SSH2: variants seen among roughly 807,000 people sequenced by gnomAD.
SSH2 encodes slingshot protein phosphatase 2.
In SSH2, 37 loss-of-function variants were observed where a neutral mutation model predicts 135.2. The observed-to-expected ratio is 0.27, with a 90% CI of 0.21 to 0.36. The LOEUF is 0.36. SSH2 is among the 10% of genes least tolerant of loss of function. The pLI, the probability that SSH2 is intolerant of heterozygous loss-of-function variation, is 1.00. For synonymous variants in SSH2, 628 were observed against 646.2 expected (o/e 0.97, Z 0.43); for missense variants, 1,408 against 1,765.3 (o/e 0.80, Z 3.63).
chr17:29,634,569 T>C (rs575052362), intron 15 of SSH2, among the ~76,000 whole-genome samples: 56 of 149,726 alleles, frequency 3.7e-4, no homozygotes, highest in African/African-American at 1.3e-3. Flanking sequence ...ATTATTATTT[T>C]TTGAGACGGA....
intron 2 of SSH2, among the ~76,000 whole-genome samples, chr17:29,834,761 TAG>T (rs2042915907): frequency 2.0e-5 from 3 of 152,154 alleles, no homozygotes; most frequent in Admixed American, 6.5e-5. Flanking sequence ...CAGAGTGAGG[TAG>T]AGAGGCAACT....
At chr17:29,843,837 A>C (rs1220997391) in intron 2 of SSH2, among the ~76,000 whole-genome samples, 1 of 152,044 alleles carries the variant, frequency 6.6e-6, no homozygotes, top group African/African-American at 2.4e-5. Context: ...TATTAGGCTA[A>C]ATCTTCTCTC....
At chr17:29,813,315 G>A (rs963118353) in intron 2 of SSH2, among the ~76,000 whole-genome samples, 1 of 151,668 alleles carries the variant, frequency 6.6e-6, no homozygotes, top group Non-Finnish European at 1.5e-5. Context: ...CCCTGTAGGC[G>A]GAGGTTGCAG....
chr17:29,795,428 A>C (rs1028097566), intron 2 of SSH2, among the ~76,000 whole-genome samples: 1 of 152,218 alleles, frequency 6.6e-6, no homozygotes, highest in East Asian at 1.9e-4. Context: ...GAAGGAGTAC[A>C]GGTAGAAAGT....
intron 3 of SSH2, among the ~76,000 whole-genome samples, chr17:29,754,137 T>A (rs896496971): frequency 6.6e-6 from 1 of 152,208 alleles, no homozygotes; most frequent in Admixed American, 6.5e-5. Flanking sequence ...AGGAATACTT[T>A]AATTAAGGTA....
intron 1 of SSH2, among the ~76,000 whole-genome samples, chr17:29,903,574 C>G (rs929058284): frequency 2.6e-5 from 4 of 151,968 alleles, no homozygotes; most frequent in Admixed American, 1.3e-4. Flanking sequence ...AGCCCCTTCT[C>G]TGTTCTGCAT....
intron 1 of SSH2, chr17:29,883,232 G>C (rs971673360): frequency 2.6e-5 from 4 of 152,114 alleles, no homozygotes; most frequent in African/African-American, 9.7e-5. Context: ...GAGTTAGTAA[G>C]TTCAAAGAAT....
At chr17:29,873,989 A>G (rs1182017970) in intron 1 of SSH2, among the ~76,000 whole-genome samples, 1 of 152,030 alleles carries the variant, frequency 6.6e-6, no homozygotes, top group Non-Finnish European at 1.5e-5. Context: ...AAAGAAAGAT[A>G]TTTTATTAAA....
intron 6 of SSH2, among the ~76,000 whole-genome samples, chr17:29,684,172 A>C (rs1436820144): frequency 6.6e-6 from 1 of 152,142 alleles, no homozygotes; most frequent in African/African-American, 2.4e-5. Context: ...GAACTGCACA[A>C]GATATTTTTG....
chr17:29,913,656 C>T (rs1345420200), intron 1 of SSH2, among the ~76,000 whole-genome samples: 2 of 149,092 alleles, frequency 1.3e-5, no homozygotes, highest in Non-Finnish European at 3.0e-5. Context: ...TTTTTTGAGA[C>T]GGAGTTTCAT....
intron 3 of SSH2, among the ~76,000 whole-genome samples, chr17:29,723,644 T>G (rs1353642375): frequency 1.3e-5 from 2 of 152,142 alleles, no homozygotes; most frequent in African/African-American, 2.4e-5. Context: ...ATTTTTTCTC[T>G]TTTTGAAAAT....
intron 8 of SSH2, chr17:29,675,922 G>C (rs777319050): frequency 7.2e-5 from 11 of 152,140 alleles, no homozygotes; most frequent in Non-Finnish European, 1.6e-4. Context: ...CCCATAATAA[G>C]GGGCTAATAA....
At position 29,636,311 on chromosome 17, in the gene SSH2, A is replaced by G. The variant is rs1246072868; in HGVS notation, c.1919T>C (p.Met640Thr). ...KADMNVHLLP[M>T]EELTSPLKDP... ...TTTCAGTGGAGATGTCAATTCTTCC[A>G]TAGGCAGTAGGTGGACATTCATGTC... The change falls in exon 15 of 16, where the codon ATG becomes ACG. Residue 640 changes from methionine to threonine, a missense_variant. By Grantham distance (81) the Met-to-Thr change is moderately conservative. Coordinates refer to ENST00000540801, the MANE Select transcript of SSH2 (RefSeq NM_001282129.2). 1.9e-6 allele frequency: 3 copies of G among 1,614,182 alleles called. No individual in the cohort carries two copies. The highest frequency in any genetic ancestry group is 2.5e-6 in the Non-Finnish European group (3 of 1,180,028).
intron 3 of SSH2, among the ~76,000 whole-genome samples, chr17:29,715,344 C>T (rs1458005692): frequency 6.6e-6 from 1 of 151,812 alleles, no homozygotes; most frequent in Admixed American, 6.6e-5. Context: ...CTTCCAGGTT[C>T]ATGCCATTCT....
chr17:29,873,922 T>C (rs2065982285), intron 1 of SSH2, among the ~76,000 whole-genome samples: 1 of 152,202 alleles, frequency 6.6e-6, no homozygotes, highest in African/African-American at 2.4e-5. Context: ...TTATTTTCCC[T>C]TGAGAGGGAA....
At chr17:29,806,800 C>A (rs1286474090) in intron 2 of SSH2, among the ~76,000 whole-genome samples, 2 of 152,174 alleles carry the variant, frequency 1.3e-5, no homozygotes, top group African/African-American at 4.8e-5. Flanking sequence ...TGGTTTAAAA[C>A]TCTTAACTGT....
Position 29,790,917 on chromosome 17 carries a change from C to T in SSH2, c.188+2977G>A, listed in dbSNP as rs2042053953. ...CTAATTTTTGTATTTTTAGTAGAGA[C>T]AGGATTTCGCCATGTTGGCCAGGCT... On this transcript the variant is annotated intron_variant, in intron 3 of 15. Transcript: ENST00000540801. 2.6e-5 allele frequency among the ~76,000 whole-genome samples: 4 copies of T among 151,622 alleles called. No homozygotes were observed. The South Asian group carries it at 8.3e-4, about 31-fold the overall frequency.
At chr17:29,736,709 C>A (rs566002171) in intron 3 of SSH2, among the ~76,000 whole-genome samples, 4 of 141,188 alleles carry the variant, frequency 2.8e-5, no homozygotes, top group Admixed American at 2.3e-4. Context: ...CTTGCTTTAA[C>A]CCGGGAGGCG....
chr17:29,770,762 C>T (rs2259857), intron 3 of SSH2, among the ~76,000 whole-genome samples: 67,430 of 152,004 alleles, frequency 0.44, 15,324 homozygotes, highest in Non-Finnish European at 0.49. Context: ...TGTGAGCCAC[C>T]GTGCCCGGCC....
Sources: gnomAD v4.1 joint callset for allele counts (sites outside exome capture counted in the v4.1 genomes callset) on GRCh38, gnomAD v4.1.1 for gene constraint, MANE v1.5 for transcripts, NCBI Gene and HGNC (gene_info 2026-07-23, HGNC 2026-07-21) for gene names.